SIPA1L2: variants seen among roughly 807,000 people sequenced by gnomAD.
The protein encoded by SIPA1L2 is signal induced proliferation associated 1 like 2.
Under a neutral mutation model 163.9 loss-of-function variants are expected in SIPA1L2, and 56 were observed. The ratio of observed to expected loss-of-function variants is 0.34; its 90% confidence interval spans 0.28 to 0.43. SIPA1L2 has a LOEUF of 0.43. Ranked by LOEUF, SIPA1L2 falls within the 20% of genes least tolerant of loss-of-function variation. The probability of loss-of-function intolerance (pLI) is 1.00; values close to 1 mark genes in which losing one functional copy is unlikely to be tolerated. For missense variants in SIPA1L2, 1,974 were observed against 2,193.5 expected, an observed-to-expected ratio of 0.90 and a Z score of 2.00; for synonymous variants, 877 against 865.7, an observed-to-expected ratio of 1.01 and a Z score of -0.23.
intron 19 of SIPA1L2, among the ~76,000 whole-genome samples, chr1:232,407,578 G>GA (rs1328416129): frequency 3.3e-5 from 5 of 152,206 alleles, no homozygotes; most frequent in Non-Finnish European, 7.3e-5. Context: ...CCTGGAATGT[G>GA]AATTGTTAAC....
chr1:232,607,840 T>G (rs7545091), intron 1 of SIPA1L2, among the ~76,000 whole-genome samples: 6,454 of 151,136 alleles, frequency 0.043, 340 homozygotes, highest in African/African-American at 0.11. Flanking sequence ...CGGATCACCT[T>G]AGGTCAGGAG....
intron 5 of SIPA1L2, among the ~76,000 whole-genome samples, chr1:232,485,029 A>G (rs966182135): frequency 2.0e-5 from 3 of 152,230 alleles, no homozygotes; most frequent in Admixed American, 2.0e-4. Flanking sequence ...CCTAATGACA[A>G]CATACTATGC....
intron 10 of SIPA1L2, among the ~76,000 whole-genome samples, chr1:232,457,026 C>T (rs1221250713): frequency 6.6e-5 from 10 of 152,284 alleles, no homozygotes; most frequent in Middle Eastern, 3.4e-3. Flanking sequence ...CTTCCCTTCA[C>T]GCTGAGGGAC....
In SIPA1L2 at chr1:232,431,392, T is replaced by G. The variant is rs556536877; in HGVS notation, c.4256+855A>C. Among the ~76,000 whole-genome samples the G allele has an allele frequency of 4.3e-4, 65 of 152,324 alleles. No homozygotes were observed. The South Asian group carries it at 7.5e-3, about 17-fold the overall frequency. ...TTTTAATTTAGAAGGCAATATCATATGAGCTGTATTTAAGACACAGGATCA... is the reference window on the plus strand; with the variant it reads ...TTTTAATTTAGAAGGCAATATCATAGGAGCTGTATTTAAGACACAGGATCA... On this transcript the variant is annotated intron_variant, in intron 16 of 22. Coordinates refer to ENST00000674635, the MANE Select transcript of SIPA1L2 (RefSeq NM_020808.5).
intron 2 of SIPA1L2, among the ~76,000 whole-genome samples, chr1:232,532,881 A>T (rs191023026): frequency 1.3e-5 from 2 of 152,328 alleles, no homozygotes; most frequent in South Asian, 4.1e-4. Flanking sequence ...GAGAAACGCT[A>T]AAGAGAACTG....
At chr1:232,552,850 C>G (rs1365811492) in intron 2 of SIPA1L2, among the ~76,000 whole-genome samples, 2 of 152,136 alleles carry the variant, frequency 1.3e-5, no homozygotes, top group Non-Finnish European at 2.9e-5. Flanking sequence ...GAATGTACAA[C>G]GGGGGGTGGC....
chr1:232,401,352 G>A (rs1481020360), intron 22 of SIPA1L2, among the ~76,000 whole-genome samples: 3 of 152,222 alleles, frequency 2.0e-5, no homozygotes, highest in Admixed American at 1.3e-4. Context: ...AACAGGTATC[G>A]CTTTAATTTA....
At chr1:232,451,831 C>T (rs1032535360) in intron 10 of SIPA1L2, among the ~76,000 whole-genome samples, 9 of 151,980 alleles carry the variant, frequency 5.9e-5, no homozygotes, top group African/African-American at 2.2e-4. Flanking sequence ...AACTTATGCT[C>T]CTAATTACCA....
At chr1:232,523,988 C>T (rs1214183384) in intron 2 of SIPA1L2, among the ~76,000 whole-genome samples, 1 of 152,148 alleles carries the variant, frequency 6.6e-6, no homozygotes, top group East Asian at 1.9e-4. Context: ...ATTTTAGCAG[C>T]AAATACACAA....
At chr1:232,498,022 T>A (rs1414908374) in intron 3 of SIPA1L2, among the ~76,000 whole-genome samples, 1 of 152,154 alleles carries the variant, frequency 6.6e-6, no homozygotes, top group Non-Finnish European at 1.5e-5. Context: ...TTGACATTCT[T>A]CTTACTCATG....
intron 19 of SIPA1L2, 58 bp downstream of exon 19, chr1:232,415,436 C>A: frequency 6.5e-7 from 1 of 1,537,384 alleles, no homozygotes; most frequent in Non-Finnish European, 8.7e-7. Context: ...GCCGCACAGG[C>A]CCTGCAGGAA....
At chr1:232,544,127 CTTTTT>C (rs35430371) in intron 2 of SIPA1L2, among the ~76,000 whole-genome samples, 1 of 149,806 alleles carries the variant, frequency 6.7e-6, no homozygotes, top group Non-Finnish European at 1.5e-5. Context: ...CAGAAACCTT[CTTTTT>C]TTTTTTTATC....
At chr1:232,423,804 A>G (rs1661717280) in intron 18 of SIPA1L2, among the ~76,000 whole-genome samples, 1 of 152,230 alleles carries the variant, frequency 6.6e-6, no homozygotes, top group Non-Finnish European at 1.5e-5. Context: ...TTCAGCTGTA[A>G]AAAGAAATGA....
chr1:232,594,433 C>T (rs1373800219), intron 1 of SIPA1L2, among the ~76,000 whole-genome samples: 2 of 152,076 alleles, frequency 1.3e-5, no homozygotes, highest in Non-Finnish European at 2.9e-5. Context: ...GAGTGAACAC[C>T]GAGCGGAGCC....
intron 3 of SIPA1L2, among the ~76,000 whole-genome samples, chr1:232,501,272 T>C (rs542326281): frequency 9.2e-5 from 14 of 152,202 alleles, no homozygotes; most frequent in South Asian, 6.2e-4. Flanking sequence ...CTTTTAGATA[T>C]AGCACTATCT....
At chr1:232,627,201 A>T (rs1400664582) in intron 1 of SIPA1L2, among the ~76,000 whole-genome samples, 1 of 152,224 alleles carries the variant, frequency 6.6e-6, no homozygotes, top group Non-Finnish European at 1.5e-5. Context: ...CTCAAAAAAT[A>T]ACGCTGCATT....
rs569443430 is a variant in SIPA1L2, at chr1:232,597,451, G to C, written c.-318-23229C>G. On this transcript the variant is annotated intron_variant, in intron 1 of 22. Transcript: ENST00000674635. ...CCAGCACTTTGGGAGGCCAAGGTGGGCGGATCACAAGGTCAGGAGATCGAG... is the reference window on the plus strand; with the variant it reads ...CCAGCACTTTGGGAGGCCAAGGTGGCCGGATCACAAGGTCAGGAGATCGAG... Among the ~76,000 whole-genome samples, 156 of 151,724 alleles carry C rather than the reference G, an allele frequency of 1.0e-3. 1 individual carries two copies. The highest frequency in any genetic ancestry group is 1.7e-3 in the Non-Finnish European group (117 of 67,940).
intron 1 of SIPA1L2, among the ~76,000 whole-genome samples, chr1:232,601,437 C>T (rs1480072540): frequency 6.6e-6 from 1 of 152,182 alleles, no homozygotes. Flanking sequence ...ATGGGGCATT[C>T]TTCCAAAGTT....
rs149317705 is a variant in SIPA1L2 at position 232,573,435 on chromosome 1, G to A, written c.-270+739C>T. On this transcript the variant is annotated intron_variant, in intron 2 of 22. Coordinates refer to ENST00000674635, the MANE Select transcript of SIPA1L2 (RefSeq NM_020808.5). ...ACCTGAAAACTGTGTGTGTGGGTGC[G>A]TGCATGTGCCATGTGCCTGTGTGCA... 6.4e-3 allele frequency among the ~76,000 whole-genome samples: 982 copies of A among 152,294 alleles called. 23 individuals are homozygous for A. Among genetic ancestry groups the A allele is most frequent in the Admixed American group, 0.028 (421 of 15,306 alleles).
Sources: gnomAD v4.1 joint callset for allele counts (sites outside exome capture counted in the v4.1 genomes callset) on GRCh38, gnomAD v4.1.1 for gene constraint, MANE v1.5 for transcripts, NCBI Gene and HGNC (gene_info 2026-07-23, HGNC 2026-07-21) for gene names.